The following RAB3C variants were observed in gnomAD, a reference collection of about 807,000 sequenced individuals.
RAB3C encodes RAB3C, member RAS oncogene family, also known as ras-related protein Rab-3C.
In RAB3C, 17 loss-of-function variants were observed where a neutral mutation model predicts 26.4. That is an observed-to-expected ratio of 0.64 (90% CI 0.44 to 0.97). The LOEUF (loss-of-function observed/expected upper bound fraction) is 0.97. RAB3C is among the 50% of genes least tolerant of loss of function. RAB3C has a pLI of 0.00. For synonymous variants in RAB3C, 91 were observed against 95.9 expected, an observed-to-expected ratio of 0.95 and a Z score of 0.30; for missense variants, 242 against 281.9, an observed-to-expected ratio of 0.86 and a Z score of 1.01.
At chr5:58,758,303 A>G (rs187008184) in intron 3 of RAB3C, among the ~76,000 whole-genome samples, 2 of 152,314 alleles carry the variant, frequency 1.3e-5, no homozygotes, top group East Asian at 3.9e-4. Flanking sequence ...ATAATTGGAA[A>G]TAAAATTTTA....
chr5:58,625,856 C>CAAA (rs11396391), intron 2 of RAB3C, among the ~76,000 whole-genome samples: 5 of 122,404 alleles, frequency 4.1e-5, no homozygotes, highest in African/African-American at 3.0e-5. Context: ...GACTCTGTCT[C>CAAA]AAAAAAAAAA....
chr5:58,621,977 G>C (rs1746950744), intron 2 of RAB3C, among the ~76,000 whole-genome samples: 1 of 152,128 alleles, frequency 6.6e-6, no homozygotes, highest in Admixed American at 6.5e-5. Flanking sequence ...GCTGCATAGG[G>C]ATTTTCTGAT....
At chr5:58,797,438 T>A (rs1374082199) in intron 3 of RAB3C, among the ~76,000 whole-genome samples, 1 of 147,124 alleles carries the variant, frequency 6.8e-6, no homozygotes, top group Non-Finnish European at 1.5e-5. Flanking sequence ...AGCAAGGAGC[T>A]CAGTGTGTAG....
At chr5:58,770,265 C>T (rs1056347344) in intron 3 of RAB3C, among the ~76,000 whole-genome samples, 2 of 152,126 alleles carry the variant, frequency 1.3e-5, no homozygotes, top group African/African-American at 4.8e-5. Flanking sequence ...AAAGGAGTTA[C>T]TATCTATAAC....
chr5:58,652,886 GA>G (rs1747688781), intron 2 of RAB3C, among the ~76,000 whole-genome samples: 1 of 151,918 alleles, frequency 6.6e-6, no homozygotes, highest in African/African-American at 2.4e-5. Context: ...ATAAACTTTA[GA>G]AAAATTCGAT....
chr5:58,796,002 C>T (rs1742639104), intron 3 of RAB3C, among the ~76,000 whole-genome samples: 1 of 152,130 alleles, frequency 6.6e-6, no homozygotes, highest in African/African-American at 2.4e-5. Context: ...TTACTAGCTC[C>T]AGGAAAATTA....
chr5:58,584,581 C>A (rs930019348), intron 1 of RAB3C, among the ~76,000 whole-genome samples: 3 of 152,074 alleles, frequency 2.0e-5, no homozygotes, highest in Non-Finnish European at 4.4e-5. Context: ...GAGATACTAC[C>A]AGGAGCCAAC....
intron 3 of RAB3C, among the ~76,000 whole-genome samples, chr5:58,760,098 C>A (rs1307903074): frequency 2.0e-5 from 3 of 152,168 alleles, no homozygotes; most frequent in African/African-American, 7.2e-5. Flanking sequence ...TTATTTGAGA[C>A]CCTCCCACTA....
intron 3 of RAB3C, among the ~76,000 whole-genome samples, chr5:58,774,790 G>A (rs1287135516): frequency 6.6e-6 from 1 of 152,158 alleles, no homozygotes; most frequent in Admixed American, 6.5e-5. Context: ...AAACAGCCAT[G>A]TGAACGTCCT....
chr5:58,613,393 A>G (rs1225618562), intron 1 of RAB3C, among the ~76,000 whole-genome samples: 1 of 152,168 alleles, frequency 6.6e-6, no homozygotes, highest in African/African-American at 2.4e-5. Context: ...TTATTTGTCT[A>G]AAAAGTGATT....
intron 1 of RAB3C, among the ~76,000 whole-genome samples, chr5:58,594,700 T>C (rs1746210946): frequency 6.6e-6 from 1 of 152,096 alleles, no homozygotes; most frequent in Non-Finnish European, 1.5e-5. Context: ...GATATCAAGA[T>C]CTAGAACCAA....
intron 1 of RAB3C, among the ~76,000 whole-genome samples, chr5:58,605,490 A>G (rs921897264): frequency 1.3e-5 from 2 of 152,194 alleles, no homozygotes; most frequent in Admixed American, 6.5e-5. Context: ...TATCAGAGAA[A>G]TGAAGTCACA....
At chr5:58,686,802 A>C (rs1346994284) in intron 2 of RAB3C, among the ~76,000 whole-genome samples, 1 of 152,058 alleles carries the variant, frequency 6.6e-6, no homozygotes, top group East Asian at 1.9e-4. Flanking sequence ...TTTTGAAATA[A>C]ATTTATAGGT....
At chr5:58,850,537 C>T (rs907112111) in intron 4 of RAB3C, among the ~76,000 whole-genome samples, 1 of 152,224 alleles carries the variant, frequency 6.6e-6, no homozygotes, top group Non-Finnish European at 1.5e-5. Flanking sequence ...AGCCCACTCT[C>T]AGACCGATCA....
intron 2 of RAB3C, among the ~76,000 whole-genome samples, chr5:58,674,075 G>T (rs1299436629): frequency 6.6e-6 from 1 of 152,142 alleles, no homozygotes; most frequent in Admixed American, 6.5e-5. Flanking sequence ...AGGATACAAG[G>T]TGTTGGCATT....
At chr5:58,822,913 T>G (rs1743376003) in intron 3 of RAB3C, 10 of 640,676 alleles carry the variant, frequency 1.6e-5, no homozygotes. Context: ...TGGAAAGCAT[T>G]GATGGTCAGC....
intron 3 of RAB3C, among the ~76,000 whole-genome samples, chr5:58,807,600 T>C (rs1479535526): frequency 6.6e-6 from 1 of 152,190 alleles, no homozygotes; most frequent in African/African-American, 2.4e-5. Context: ...CTTCTTGCAT[T>C]CTCACATGGT....
chr5:58,588,244 A>G (rs575981276), intron 1 of RAB3C, among the ~76,000 whole-genome samples: 5 of 152,172 alleles, frequency 3.3e-5, no homozygotes, highest in Non-Finnish European at 5.9e-5. Context: ...GCTGGAATAA[A>G]TGGTAAGTAT....
At chr5:58,620,565 T>C (rs975554749) in intron 2 of RAB3C, among the ~76,000 whole-genome samples, 3 of 152,204 alleles carry the variant, frequency 2.0e-5, no homozygotes, top group African/African-American at 7.2e-5. Flanking sequence ...ATACATACCA[T>C]ATGTTAGGCA....
Sources: allele counts gnomAD v4.1 joint callset (sites outside exome capture counted in the v4.1 genomes callset), GRCh38; gene constraint gnomAD v4.1.1; transcripts MANE v1.5; gene names NCBI Gene and HGNC (gene_info 2026-07-23, HGNC 2026-07-21).